The following SNTG2 variants were observed in gnomAD, a reference collection of about 807,000 sequenced individuals.
SNTG2 encodes syntrophin gamma 2.
A neutral mutation model predicts 70.9 loss-of-function variants in SNTG2; 74 were observed. The observed-to-expected ratio is 1.04, with a 90% CI of 0.86 to 1.27. The LOEUF is 1.27. Ranked by LOEUF, SNTG2 falls within the 50% of genes most tolerant of loss-of-function variation. The pLI is 0.00. For synonymous variants in SNTG2, 278 were observed against 273.8 expected (o/e 1.02, Z -0.15); for missense variants, 717 against 690.7 (o/e 1.04, Z -0.43).
chr2:1,139,246 T>G (rs559009189), intron 6 of SNTG2, among the ~76,000 whole-genome samples: 1 of 152,268 alleles, frequency 6.6e-6, no homozygotes, highest in South Asian at 2.1e-4. Flanking sequence ...TCATTTTGTT[T>G]TTGAGACAGA....
At position 1,218,923 on chromosome 2, in the gene SNTG2, G is replaced by C. The variant is rs143018888; in HGVS notation, c.719+9693G>C. Among the ~76,000 whole-genome samples the C allele has an allele frequency of 8.9e-3, 1,354 of 152,260 alleles. 25 individuals are homozygous for C. Among genetic ancestry groups the C allele is most frequent in the African/African-American group, 0.031 (1,289 of 41,550 alleles). ...AAGGTAAGAAAAAATAAAACTGTAC[G>C]TTTAAAGGAGGTTTGAAGCAGCAGG... On this transcript the variant is annotated intron_variant, in intron 9 of 16. Coordinates refer to ENST00000308624, the MANE Select transcript of SNTG2 (RefSeq NM_018968.4).
At chr2:1,099,336 G>A (rs1055100564) in intron 4 of SNTG2, among the ~76,000 whole-genome samples, 3 of 152,184 alleles carry the variant, frequency 2.0e-5, no homozygotes, top group Non-Finnish European at 2.9e-5. Context: ...GCCTCACACC[G>A]GAAAGCACAG....
intron 9 of SNTG2, among the ~76,000 whole-genome samples, chr2:1,222,523 CT>C (rs1572780050): frequency 4.7e-4 from 61 of 130,346 alleles, no homozygotes; most frequent in African/African-American, 1.8e-3. Context: ...CCTGTCCTGC[CT>C]GCTGCTGGAG....
intron 1 of SNTG2, among the ~76,000 whole-genome samples, chr2:1,034,476 TAATGCAATGGCTGGGTCA>T (rs1324218149): frequency 6.6e-6 from 1 of 152,232 alleles, no homozygotes; most frequent in African/African-American, 2.4e-5. Context: ...ATATACCCAG[TAATGCAATGGCTGGGTCA>T]AATGGTAGTT....
At chr2:1,308,217 C>G (rs546011937) in intron 14 of SNTG2, among the ~76,000 whole-genome samples, 1 of 152,130 alleles carries the variant, frequency 6.6e-6, no homozygotes, top group Non-Finnish European at 1.5e-5. Context: ...TGGCTGGGCT[C>G]TGTGCATTTG....
At chr2:1,181,646 C>A (rs1364006516) in intron 8 of SNTG2, among the ~76,000 whole-genome samples, 1 of 152,132 alleles carries the variant, frequency 6.6e-6, no homozygotes, top group African/African-American at 2.4e-5. Flanking sequence ...GGAGTAATTA[C>A]CTGAGCTACC....
At chr2:1,262,146 T>C (rs1192920958) in intron 13 of SNTG2, among the ~76,000 whole-genome samples, 1 of 152,154 alleles carries the variant, frequency 6.6e-6, no homozygotes, top group Non-Finnish European at 1.5e-5. Context: ...AAGTCTATTA[T>C]GATAGGAGAG....
chr2:1,308,368 C>G, intron 14 of SNTG2, 126 bp from the exon 15 acceptor site: 1 of 811,304 alleles, frequency 1.2e-6, no homozygotes. Context: ...TGTTTTGTTC[C>G]CCGTAACTTG....
At chr2:965,939 G>A (rs1042064049) in intron 1 of SNTG2, among the ~76,000 whole-genome samples, 12 of 152,214 alleles carry the variant, frequency 7.9e-5, no homozygotes, top group African/African-American at 2.6e-4. Flanking sequence ...GGGCGGGCTG[G>A]GCCCAGCTCC....
intron 11 of SNTG2, among the ~76,000 whole-genome samples, chr2:1,241,782 T>C (rs28657918): frequency 0.22 from 33,730 of 152,050 alleles, 5,974 homozygotes; most frequent in African/African-American, 0.49. Flanking sequence ...GGCCTTGTTT[T>C]TGCTTCATCT....
At chr2:1,193,662 A>G (rs773192185) in intron 8 of SNTG2, among the ~76,000 whole-genome samples, 44 of 152,182 alleles carry the variant, frequency 2.9e-4, no homozygotes, top group Non-Finnish European at 5.9e-4. Context: ...CTTTTCAGCC[A>G]TAAAGAAGAA....
At chr2:1,173,287 A>G in intron 8 of SNTG2, 104 bp downstream of exon 8, 1 of 1,065,572 alleles carries the variant, frequency 9.4e-7, no homozygotes, top group Non-Finnish European at 1.4e-6. Context: ...CCCAGTGAAG[A>G]TAATTGTGTT....
chr2:1,019,885 A>G (rs1209376487), intron 1 of SNTG2, among the ~76,000 whole-genome samples: 2 of 152,132 alleles, frequency 1.3e-5, no homozygotes, highest in Non-Finnish European at 2.9e-5. Flanking sequence ...TCTACAAAAA[A>G]AAGAAAAATT....
chr2:1,302,759 G>A (rs146953733), intron 14 of SNTG2, among the ~76,000 whole-genome samples: 231 of 152,246 alleles, frequency 1.5e-3, no homozygotes, highest in African/African-American at 5.1e-3. Flanking sequence ...TACTTCAAAG[G>A]TAACCATGTA....
At chr2:1,238,872 G>A (rs1329750727) in intron 10 of SNTG2, among the ~76,000 whole-genome samples, 1 of 152,190 alleles carries the variant, frequency 6.6e-6, no homozygotes, top group Non-Finnish European at 1.5e-5. Context: ...CACCCGCCCT[G>A]CCCCTGCCCT....
chr2:1,337,991 T>C (rs1374311419), intron 16 of SNTG2, among the ~76,000 whole-genome samples: 1 of 152,212 alleles, frequency 6.6e-6, no homozygotes, highest in Non-Finnish European at 1.5e-5. Flanking sequence ...CATTTCTGAT[T>C]GAATCACAGA....
rs773985889 is a variant in SNTG2 at position 1,259,275 on chromosome 2, G to A, written c.1006-95G>A. On this transcript the variant is annotated intron_variant, in intron 12 of 16. Coordinates refer to ENST00000308624, the MANE Select transcript of SNTG2 (RefSeq NM_018968.4). ...TAATGGGGCTTAGGATTTAATTGAG[G>A]TGGACACACATGCAGTCACACTATT... The A allele has an allele frequency of 5.9e-4, 601 of 1,016,052 alleles. 1 individual carries two copies. Among genetic ancestry groups the A allele is most frequent in the Non-Finnish European group, 8.1e-4 (528 of 655,318 alleles). The allele number at this position is 1,016,052 out of a possible 1,614,324, so 62.9% of individuals were successfully genotyped here.
chr2:1,198,964 C>A (rs1364472276), intron 8 of SNTG2, among the ~76,000 whole-genome samples: 1 of 151,948 alleles, frequency 6.6e-6, no homozygotes, highest in East Asian at 1.9e-4. Flanking sequence ...TAAAGAAGAA[C>A]TAACATCCAT....
At chr2:1,325,943 C>G (rs955452792) in intron 16 of SNTG2, among the ~76,000 whole-genome samples, 3 of 151,972 alleles carry the variant, frequency 2.0e-5, no homozygotes, top group African/African-American at 7.3e-5. Flanking sequence ...AAGTGATTCT[C>G]TTGCCTCAGC....
Sources: gnomAD v4.1 joint callset for allele counts (sites outside exome capture counted in the v4.1 genomes callset) on GRCh38, gnomAD v4.1.1 for gene constraint, MANE v1.5 for transcripts, NCBI Gene and HGNC (gene_info 2026-07-23, HGNC 2026-07-21) for gene names.